PARVB: variants seen among roughly 807,000 people sequenced by gnomAD.
PARVB encodes beta-parvin.
A neutral mutation model predicts 47.0 loss-of-function variants in PARVB; 46 were observed. That is an observed-to-expected ratio of 0.98 (90% CI 0.77 to 1.25). PARVB has a LOEUF of 1.25. PARVB is among the 50% of genes most tolerant of loss of function. The pLI is 0.00. For synonymous variants in PARVB, 196 were observed against 196.3 expected, an observed-to-expected ratio of 1.00 and a Z score of 0.01; for missense variants, 473 against 471.6, an observed-to-expected ratio of 1.00 and a Z score of -0.03.
At chr22:44,046,420 T>C (rs1394599470) in intron 1 of PARVB, among the ~76,000 whole-genome samples, 2 of 152,184 alleles carry the variant, frequency 1.3e-5, no homozygotes, top group Non-Finnish European at 2.9e-5. Context: ...TCATGGGATA[T>C]CACTGACCAC....
intron 1 of PARVB, among the ~76,000 whole-genome samples, chr22:44,076,417 C>T (rs370841844): frequency 1.3e-5 from 2 of 152,326 alleles, no homozygotes; most frequent in Admixed American, 6.5e-5. Context: ...CTCAGAAATC[C>T]GTTCTCCTCT....
At chr22:44,002,620 C>T (rs1050293711) in intron 2 of PARVB, among the ~76,000 whole-genome samples, 1 of 152,082 alleles carries the variant, frequency 6.6e-6, no homozygotes, top group African/African-American at 2.4e-5. Flanking sequence ...GATGTCTTTC[C>T]TGCGTGGCTG....
intron 10 of PARVB, among the ~76,000 whole-genome samples, chr22:44,154,534 G>GGTGT (rs111362553): frequency 0.29 from 42,661 of 144,852 alleles, 6,513 homozygotes; most frequent in East Asian, 0.52. Context: ...TAGTCTGGTG[G>GGTGT]GTGTGTGTGT....
At chr22:44,073,089 C>G (rs2070033922) in intron 1 of PARVB, among the ~76,000 whole-genome samples, 1 of 152,208 alleles carries the variant, frequency 6.6e-6, no homozygotes, top group South Asian at 2.1e-4. Flanking sequence ...TGTCACTAAG[C>G]AGTTGTTCAA....
chr22:44,029,340 C>A (rs1389514016), intron 1 of PARVB, among the ~76,000 whole-genome samples: 1 of 152,066 alleles, frequency 6.6e-6, no homozygotes, highest in African/African-American at 2.4e-5. Context: ...TGGAAGTGTT[C>A]TTCATATATT....
At chr22:44,072,843 A>C (rs2051685099) in intron 1 of PARVB, among the ~76,000 whole-genome samples, 1 of 152,152 alleles carries the variant, frequency 6.6e-6, no homozygotes, top group South Asian at 2.1e-4. Context: ...TCCCCTACCT[A>C]CTAGGGATGT....
At chr22:44,160,321 G>C (rs996844109) in intron 11 of PARVB, among the ~76,000 whole-genome samples, 2 of 152,336 alleles carry the variant, frequency 1.3e-5, no homozygotes, top group Non-Finnish European at 2.9e-5. Flanking sequence ...TCTCAGGAAG[G>C]CTTAGAGACC....
At position 44,007,916 on chromosome 22, in the gene PARVB, A is replaced by G. The variant is rs548440830; in HGVS notation, c.211+8243A>G. ...AGGTGCCTCATCTAAGCAGGATCAT[A>G]CAGTATGTGTCCTTTTGTGACTGGC... On this transcript the variant is annotated intron_variant, in intron 2 of 13. Transcript: ENST00000406477. Among the ~76,000 whole-genome samples, 8 of 152,296 alleles carry G rather than the reference A, an allele frequency of 5.3e-5. 1 individual carries two copies. The East Asian group carries it at 1.5e-3, about 29-fold the overall frequency.
intron 2 of PARVB, among the ~76,000 whole-genome samples, chr22:44,014,210 C>T (rs1422646116): frequency 6.6e-6 from 1 of 152,152 alleles, no homozygotes; most frequent in Admixed American, 6.5e-5. Context: ...TTCTGCAGGC[C>T]CAGATTCTCC....
chr22:44,168,808 C>G lies in PARVB; in HGVS notation c.*130C>G. ...AGCTGTGTTGACTGTCATCCCCACC[C>G]CACCCCTACCTCACGCCTGCCCCAC... On this transcript the variant is annotated 3_prime_UTR_variant, in exon 13 of 13. Coordinates refer to ENST00000338758, the MANE Select transcript of PARVB (RefSeq NM_013327.5). 1 of 637,336 alleles carries G rather than the reference C, an allele frequency of 1.6e-6. No homozygotes were observed. The highest frequency in any genetic ancestry group is 2.8e-6 in the Non-Finnish European group (1 of 351,482). 39.5% of individuals were successfully genotyped at this position (637,336 alleles called of 1,614,324 possible).
At chr22:44,083,723 G>A (rs9626105) in intron 1 of PARVB, among the ~76,000 whole-genome samples, 8,410 of 152,188 alleles carry the variant, frequency 0.055, 345 homozygotes, top group Non-Finnish European at 0.081. Flanking sequence ...CAGCTGTATT[G>A]ATGAGAGGAG....
rs115033731 is a variant in PARVB, at chr22:44,000,737, C to T, written c.211+1064C>T. ...ACTTCACCAAAACTCAACTAATGAA[C>T]GGTTTTGAAAGGTTAGTTGCAGTGT... On this transcript the variant is annotated intron_variant, in intron 2 of 13. Coordinates refer to the PARVB transcript ENST00000406477. Among the ~76,000 whole-genome samples, 213 of 152,258 alleles carry T rather than the reference C, an allele frequency of 1.4e-3. 2 individuals carry two copies. The highest frequency in any genetic ancestry group is 5.1e-3 in the African/African-American group (211 of 41,554).
intron 1 of PARVB, among the ~76,000 whole-genome samples, chr22:44,080,832 G>A (rs1023588498): frequency 2.0e-4 from 30 of 152,352 alleles, no homozygotes; most frequent in African/African-American, 6.5e-4. Flanking sequence ...CAGTCCAGGC[G>A]TCATGTTGGG....
chr22:44,123,919 G>A (rs1191496347), intron 4 of PARVB, among the ~76,000 whole-genome samples: 1 of 152,248 alleles, frequency 6.6e-6, no homozygotes, highest in Non-Finnish European at 1.5e-5. Flanking sequence ...ACAGTGCCTG[G>A]CACAGGTCTG....
chr22:44,100,929 C>T (rs906080892), intron 3 of PARVB, among the ~76,000 whole-genome samples: 2 of 152,236 alleles, frequency 1.3e-5, no homozygotes, highest in Admixed American at 6.5e-5. Context: ...TTGGGCACCC[C>T]GGGATTCTTG....
intron 12 of PARVB, among the ~76,000 whole-genome samples, chr22:44,164,135 C>T (rs57535731): frequency 3.3e-4 from 51 of 152,310 alleles, no homozygotes; most frequent in Non-Finnish European, 3.5e-4. Flanking sequence ...CTGGCAGTGC[C>T]GGTTCTTTAA....
At chr22:44,062,056 T>C (rs770428096) in intron 1 of PARVB, among the ~76,000 whole-genome samples, 1 of 152,202 alleles carries the variant, frequency 6.6e-6, no homozygotes, top group Non-Finnish European at 1.5e-5. Context: ...CTTTGACAAT[T>C]ATTTGTTTAG....
intron 12 of PARVB, among the ~76,000 whole-genome samples, chr22:44,164,408 G>GGCCC (rs1601709484): frequency 2.3e-5 from 1 of 43,332 alleles, no homozygotes; most frequent in African/African-American, 1.9e-4. Flanking sequence ...TTGCTTCCCT[G>GGCCC]TCCCCCCCCC....
At chr22:44,023,441 G>T (rs527660886), upstream of PARVB, among the ~76,000 whole-genome samples, 1 of 151,962 alleles carries the variant, frequency 6.6e-6, no homozygotes, top group African/African-American at 2.4e-5. Flanking sequence ...AACTCAGGAG[G>T]TGGAGGTTGC....
Sources: allele counts gnomAD v4.1 joint callset (sites outside exome capture counted in the v4.1 genomes callset), GRCh38; gene constraint gnomAD v4.1.1; transcripts MANE v1.5; gene names NCBI Gene and HGNC (gene_info 2026-07-23, HGNC 2026-07-21).